Variants in TECRL observed in about 807,000 individuals in gnomAD.
The protein encoded by TECRL is trans-2,3-enoyl-CoA reductase like.
In TECRL, 63 loss-of-function variants were observed where a neutral mutation model predicts 52.8. The ratio of observed to expected loss-of-function variants is 1.19; its 90% CI spans 0.97 to 1.47. The LOEUF (loss-of-function observed/expected upper bound fraction) is 1.47, where lower values mean the gene tolerates loss of function less well. Ranked by LOEUF, TECRL falls within the 40% of genes most tolerant of loss-of-function variation. The probability of loss-of-function intolerance (pLI) is 0.00; values close to 1 mark genes in which losing one functional copy is unlikely to be tolerated. For synonymous variants in TECRL, 164 were observed against 141.9 expected (o/e 1.16, Z -1.10); for missense variants, 482 against 429.6 (o/e 1.12, Z -1.08).
intron 1 of TECRL, among the ~76,000 whole-genome samples, chr4:64,393,212 A>C (rs1298663157): frequency 6.6e-6 from 1 of 152,146 alleles, no homozygotes; most frequent in East Asian, 1.9e-4. Flanking sequence ...GAGGGGGGAA[A>C]ATATTCTGAA....
At chr4:64,371,819 A>G (rs1721993764) in intron 2 of TECRL, among the ~76,000 whole-genome samples, 1 of 151,688 alleles carries the variant, frequency 6.6e-6, no homozygotes, top group Non-Finnish European at 1.5e-5. Context: ...ACCACCAATT[A>G]TGTCCTTAAG....
In TECRL at chr4:64,374,154, T is replaced by C. The variant is rs553384744; in HGVS notation, c.286+1018A>G. On this transcript the variant is annotated intron_variant, in intron 2 of 11. Transcript: ENST00000381210. ...GGCACTGTTCAACATAACCAATTCC[T>C]ATATGACTTTATAGCAAAATAAAAA... 2.0e-3 allele frequency among the ~76,000 whole-genome samples: 291 copies of C among 148,550 alleles called. 1 individual carries two copies. Among genetic ancestry groups the C allele is most frequent in the African/African-American group, 6.5e-3 (264 of 40,692 alleles).
chr4:64,406,172 G>GTT (rs760511565), intron 1 of TECRL, among the ~76,000 whole-genome samples: 6,235 of 150,016 alleles, frequency 0.042, 130 homozygotes, highest in Non-Finnish European at 0.048. Context: ...GCGCGTGTGT[G>GTT]TGTGTGTGTA....
At chr4:64,340,264 G>A (rs909459581) in intron 2 of TECRL, among the ~76,000 whole-genome samples, 1 of 152,150 alleles carries the variant, frequency 6.6e-6, no homozygotes, top group Non-Finnish European at 1.5e-5. Context: ...GCAGACCCCA[G>A]CCTCTCACTC....
chr4:64,308,308 C>T (rs1288606032), intron 6 of TECRL, among the ~76,000 whole-genome samples: 2 of 152,182 alleles, frequency 1.3e-5, no homozygotes, highest in East Asian at 3.9e-4. Context: ...CAGGTACAGA[C>T]AAGAACTGAG....
chr4:64,304,924 G>A (rs1417279691), intron 7 of TECRL: 2 of 300,412 alleles, frequency 6.7e-6, no homozygotes, highest in Non-Finnish European at 6.1e-6. Context: ...TTTATTAGCT[G>A]TTTTTTTGGA....
intron 2 of TECRL, among the ~76,000 whole-genome samples, chr4:64,347,452 A>G (rs990524991): frequency 2.6e-5 from 4 of 152,184 alleles, no homozygotes; most frequent in African/African-American, 9.7e-5. Flanking sequence ...AACTTCCTGT[A>G]TTAGTTCATT....
downstream of TECRL, chr4:64,277,186 G>C: frequency 3.8e-6 from 2 of 528,422 alleles, no homozygotes; most frequent in South Asian, 3.8e-5. Context: ...GCATAAGGGA[G>C]TGTAGTATAA....
chr4:64,352,054 G>T (rs929422327), intron 2 of TECRL, among the ~76,000 whole-genome samples: 1 of 152,140 alleles, frequency 6.6e-6, no homozygotes. Flanking sequence ...CAATTCTTAA[G>T]TTAAAACTAT....
intron 7 of TECRL, among the ~76,000 whole-genome samples, chr4:64,300,557 C>G (rs888691027): frequency 3.3e-5 from 5 of 150,312 alleles, no homozygotes; most frequent in African/African-American, 1.2e-4. Flanking sequence ...TAGAAAACAC[C>G]ATTTAAAGCA....
At chr4:64,363,500 C>T (rs1259338909) in intron 2 of TECRL, among the ~76,000 whole-genome samples, 2 of 152,220 alleles carry the variant, frequency 1.3e-5, no homozygotes, top group East Asian at 1.9e-4. Flanking sequence ...TATAACCTGA[C>T]GTGTCCACCC....
intron 6 of TECRL, among the ~76,000 whole-genome samples, chr4:64,307,381 C>G (rs1221573457): frequency 5.3e-5 from 8 of 152,116 alleles, no homozygotes; most frequent in African/African-American, 1.9e-4. Flanking sequence ...TGTGACTATT[C>G]CTACCTTCCA....
In TECRL at chr4:64,299,964, T is replaced by TA; in HGVS notation, c.774+9_774+10insT. The TA allele has an allele frequency of 6.4e-7, 1 of 1,555,470 alleles. No individual in the cohort carries two copies. Among genetic ancestry groups the TA allele is most frequent in the Non-Finnish European group, 8.7e-7 (1 of 1,145,060 alleles). ...GAGCGTGAATAGCAAAATATATATATGATACATACCAGAAAATTGATAGCA... is the reference window on the plus strand; with the variant it reads ...GAGCGTGAATAGCAAAATATATATATAGATACATACCAGAAAATTGATAGCA... On this transcript the variant is annotated intron_variant, in intron 8 of 11. Transcript: ENST00000381210.
chr4:64,363,167 T>A (rs748630511), intron 2 of TECRL, among the ~76,000 whole-genome samples: 2 of 152,094 alleles, frequency 1.3e-5, no homozygotes, highest in African/African-American at 4.8e-5. Context: ...CACCCAACAC[T>A]GTAAATACCA....
chr4:64,324,496 A>T (rs532628554), intron 3 of TECRL, among the ~76,000 whole-genome samples: 1 of 151,986 alleles, frequency 6.6e-6, no homozygotes, highest in Non-Finnish European at 1.5e-5. Context: ...GAAATAAATA[A>T]AAAAAGTTAA....
intron 2 of TECRL, among the ~76,000 whole-genome samples, chr4:64,340,366 T>C (rs1308895751): frequency 1.3e-5 from 2 of 152,100 alleles, no homozygotes; most frequent in Admixed American, 1.3e-4. Flanking sequence ...CTCTCAGAGG[T>C]CTAGGGAGGC....
intron 1 of TECRL, among the ~76,000 whole-genome samples, chr4:64,408,913 T>A (rs911319494): frequency 1.3e-5 from 2 of 152,114 alleles, no homozygotes; most frequent in Non-Finnish European, 2.9e-5. Context: ...ATTTAATTAA[T>A]TTAAATTGAG....
At chr4:64,364,430 T>C (rs573093468) in intron 2 of TECRL, among the ~76,000 whole-genome samples, 1 of 151,998 alleles carries the variant, frequency 6.6e-6, no homozygotes, top group African/African-American at 2.4e-5. Flanking sequence ...CGAATGAAAT[T>C]GATATGTTAA....
At chr4:64,338,762 T>A (rs1251925831) in intron 2 of TECRL, among the ~76,000 whole-genome samples, 2 of 152,038 alleles carry the variant, frequency 1.3e-5, no homozygotes, top group Non-Finnish European at 2.9e-5. Flanking sequence ...AGAATGGAGA[T>A]CATTAAAAAG....
Sources: allele counts gnomAD v4.1 joint callset (sites outside exome capture counted in the v4.1 genomes callset), GRCh38; gene constraint gnomAD v4.1.1; transcripts MANE v1.5; gene names NCBI Gene and HGNC (gene_info 2026-07-23, HGNC 2026-07-21).